BABAM2: variants seen among roughly 807,000 people sequenced by gnomAD.
The protein encoded by BABAM2 is BRISC and BRCA1 A complex member 2.
In BABAM2, 31 loss-of-function variants were observed where a neutral mutation model predicts 54.7. The ratio of observed to expected loss-of-function variants is 0.57; its 90% confidence interval spans 0.43 to 0.77. The LOEUF (loss-of-function observed/expected upper bound fraction) is 0.77. BABAM2 is among the 30% of genes least tolerant of loss of function. The probability of loss-of-function intolerance (pLI) is 0.00; values close to 1 mark genes in which losing one functional copy is unlikely to be tolerated. For synonymous variants in BABAM2, 167 were observed against 162.9 expected (o/e 1.03, Z -0.19); for missense variants, 364 against 455.8 (o/e 0.80, Z 1.83).
intron 10 of BABAM2, among the ~76,000 whole-genome samples, chr2:28,252,454 T>C (rs1307412727): frequency 6.6e-6 from 1 of 152,198 alleles, no homozygotes; most frequent in Non-Finnish European, 1.5e-5. Flanking sequence ...ATCTTTTGAT[T>C]ATACACACAA....
intron 2 of BABAM2, among the ~76,000 whole-genome samples, chr2:27,902,590 C>T (rs1250072869): frequency 2.0e-5 from 3 of 152,136 alleles, no homozygotes; most frequent in Admixed American, 6.5e-5. Flanking sequence ...TGAGATGCGA[C>T]CTGGTATCTC....
chr2:27,908,573 C>T (rs1445804400), intron 2 of BABAM2, among the ~76,000 whole-genome samples: 3 of 152,104 alleles, frequency 2.0e-5, no homozygotes, highest in African/African-American at 7.2e-5. Context: ...TGCTCGGCCC[C>T]AGTAGGTAGT....
rs145246232 is a variant in BABAM2, at chr2:28,222,297, A to G, written c.681-14905A>G. 5.7e-3 allele frequency among the ~76,000 whole-genome samples: 875 copies of G among 152,286 alleles called. 8 individuals are homozygous for G. The highest frequency in any genetic ancestry group is 0.02 in the African/African-American group (826 of 41,558). The stretch of plus-strand genomic sequence containing the variant: ...GAGGCCTAGATTGATGGAGAGCCCA[A>G]CCAGAGAATTCAAGATAATCTCCTC... On this transcript the variant is annotated intron_variant, in intron 7 of 11. Transcript: ENST00000379624.
At chr2:27,914,122 C>T (rs1319054490) in intron 2 of BABAM2, among the ~76,000 whole-genome samples, 1 of 152,158 alleles carries the variant, frequency 6.6e-6, no homozygotes, top group Non-Finnish European at 1.5e-5. Flanking sequence ...GAAAGCATTA[C>T]ACTCTAATGT....
At chr2:28,239,126 G>A (rs983414891) in intron 8 of BABAM2, among the ~76,000 whole-genome samples, 10 of 152,072 alleles carry the variant, frequency 6.6e-5, no homozygotes, top group African/African-American at 2.4e-4. Flanking sequence ...TTTAAACAAA[G>A]CCACTTAAGC....
At chr2:28,207,332 C>T (rs1023084336) in intron 7 of BABAM2, among the ~76,000 whole-genome samples, 22 of 109,808 alleles carry the variant, frequency 2.0e-4, no homozygotes, top group Non-Finnish European at 3.4e-4. Flanking sequence ...AGCAAGACCT[C>T]GTCTCTAGTT....
chr2:28,101,582 G>A (rs940240201), intron 6 of BABAM2, among the ~76,000 whole-genome samples: 2 of 152,096 alleles, frequency 1.3e-5, no homozygotes, highest in African/African-American at 4.8e-5. Context: ...ACCTGTGGTT[G>A]TCCTATCCCC....
chr2:28,003,204 T>G (rs1386294531), intron 4 of BABAM2, among the ~76,000 whole-genome samples: 1 of 152,210 alleles, frequency 6.6e-6, no homozygotes, highest in Non-Finnish European at 1.5e-5. Flanking sequence ...TGCAAGTAGA[T>G]AATTTAGTGT....
At chr2:27,940,973 T>C (rs1039648198) in intron 3 of BABAM2, among the ~76,000 whole-genome samples, 1 of 152,040 alleles carries the variant, frequency 6.6e-6, no homozygotes, top group Non-Finnish European at 1.5e-5. Flanking sequence ...TGGGTAGAAA[T>C]GACTTCCTGA....
intron 10 of BABAM2, among the ~76,000 whole-genome samples, chr2:28,284,575 C>G (rs907091332): frequency 6.6e-6 from 1 of 152,206 alleles, no homozygotes; most frequent in South Asian, 2.1e-4. Context: ...ATCTGTGGTC[C>G]GGTTTGGCTG....
chr2:27,993,202 T>C (rs1672900599), intron 4 of BABAM2, among the ~76,000 whole-genome samples: 1 of 152,160 alleles, frequency 6.6e-6, no homozygotes, highest in South Asian at 2.1e-4. Context: ...ATCCTTGTCT[T>C]TTCACTGGAT....
chr2:28,166,500 T>C (rs934355920), intron 7 of BABAM2, among the ~76,000 whole-genome samples: 1 of 152,204 alleles, frequency 6.6e-6, no homozygotes, highest in African/African-American at 2.4e-5. Context: ...CGCTTCACTT[T>C]GGTGTGTGCC....
chr2:28,212,112 A>C (rs1558440167), intron 7 of BABAM2, among the ~76,000 whole-genome samples: 1 of 152,104 alleles, frequency 6.6e-6, no homozygotes, highest in Non-Finnish European at 1.5e-5. Flanking sequence ...GTTCCTGCCT[A>C]CTTTCTCATG....
At chr2:28,040,055 A>G (rs1051711037) in intron 5 of BABAM2, among the ~76,000 whole-genome samples, 1 of 152,142 alleles carries the variant, frequency 6.6e-6, no homozygotes, top group Non-Finnish European at 1.5e-5. Flanking sequence ...AATCTTTGAC[A>G]TTACAACTGA....
intron 4 of BABAM2, among the ~76,000 whole-genome samples, chr2:28,023,190 C>T (rs750214539): frequency 2.6e-5 from 4 of 152,104 alleles, no homozygotes; most frequent in Non-Finnish European, 5.9e-5. Context: ...ATGTTGCCAA[C>T]TTATATGTTT....
chr2:28,229,775 C>T lies in BABAM2; in HGVS notation c.681-7427C>T, dbSNP rs143739193. Among the ~76,000 whole-genome samples, 10 of 152,058 alleles carry T rather than the reference C, an allele frequency of 6.6e-5. No homozygotes were observed. In the East Asian group the frequency reaches 9.7e-4, roughly 15 times the overall value. On this transcript the variant is annotated intron_variant, in intron 7 of 11. Coordinates refer to ENST00000379624, the MANE Select transcript of BABAM2 (RefSeq NM_199191.3). ...CTAGTTTTTGTATTTTTAGTAGAGA[C>T]GGGGTTTCACCATGTTGACCAGGCT...
intron 6 of BABAM2, among the ~76,000 whole-genome samples, chr2:28,074,336 C>A (rs1339746776): frequency 6.6e-6 from 1 of 152,150 alleles, no homozygotes; most frequent in Non-Finnish European, 1.5e-5. Flanking sequence ...CTGGCATCTG[C>A]CTGCCAGATG....
rs111729326 is a variant in BABAM2 at position 28,116,097 on chromosome 2, G to A, written c.571-13174G>A. On this transcript the variant is annotated intron_variant, in intron 6 of 11. Transcript: ENST00000379624. ...ACCATTGCACTCCAGCCTGGGCAAC[G>A]AGAGCGAAACTCCGTCTCAAAAAAA... is the stretch of plus-strand genomic sequence containing the variant. Among the ~76,000 whole-genome samples the A allele has an allele frequency of 2.1e-3, 315 of 151,140 alleles. 1 individual carries two copies. The highest frequency in any genetic ancestry group is 3.6e-3 in the Non-Finnish European group (242 of 67,782).
At chr2:28,027,400 C>G (rs1451060817) in intron 5 of BABAM2, among the ~76,000 whole-genome samples, 1 of 152,156 alleles carries the variant, frequency 6.6e-6, no homozygotes, top group African/African-American at 2.4e-5. Context: ...GAGCAACCAC[C>G]ACCATTATCC....
Sources: allele counts gnomAD v4.1 joint callset (sites outside exome capture counted in the v4.1 genomes callset), GRCh38; gene constraint gnomAD v4.1.1; transcripts MANE v1.5; gene names NCBI Gene and HGNC (gene_info 2026-07-23, HGNC 2026-07-21).